CPA6: variants seen among roughly 807,000 people sequenced by gnomAD.
The protein encoded by CPA6 is carboxypeptidase B.
Under a neutral mutation model 63.3 loss-of-function variants are expected in CPA6, and 58 were observed. That is an observed-to-expected ratio of 0.92 (90% CI 0.74 to 1.14). CPA6 has a LOEUF of 1.14. Among genes scored for constraint, CPA6 ranks in the 50% most tolerant of loss-of-function variants. CPA6 has a pLI of 0.00. For missense variants in CPA6, 565 were observed against 526.6 expected (o/e 1.07, Z -0.71); for synonymous variants, 185 against 179.0 (o/e 1.03, Z -0.27).
intron 1 of CPA6, among the ~76,000 whole-genome samples, chr8:67,727,256 A>C (rs905373207): frequency 2.6e-5 from 4 of 152,194 alleles, no homozygotes; most frequent in African/African-American, 9.6e-5. Context: ...TAGCAAAACC[A>C]AAACTACTGA....
At chr8:67,637,709 T>C (rs920751251) in intron 1 of CPA6, among the ~76,000 whole-genome samples, 10 of 151,580 alleles carry the variant, frequency 6.6e-5, no homozygotes, top group African/African-American at 2.4e-4. Context: ...TAAGGTAACG[T>C]GGCAACTGTT....
intron 2 of CPA6, among the ~76,000 whole-genome samples, chr8:67,528,822 C>T (rs751431978): frequency 3.9e-5 from 6 of 151,908 alleles, no homozygotes; most frequent in Non-Finnish European, 7.4e-5. Context: ...CACTTTCTAG[C>T]TTTATTATTC....
intron 8 of CPA6, among the ~76,000 whole-genome samples, chr8:67,436,140 C>A (rs547543850): frequency 6.6e-6 from 1 of 152,142 alleles, no homozygotes; most frequent in African/African-American, 2.4e-5. Context: ...CCAGCTATTT[C>A]CCCAGTGTAG....
intron 2 of CPA6, among the ~76,000 whole-genome samples, chr8:67,621,114 C>T (rs1815071226): frequency 6.6e-6 from 1 of 152,192 alleles, no homozygotes; most frequent in African/African-American, 2.4e-5. Flanking sequence ...GACAACACTG[C>T]ATGTTTGTTG....
intron 2 of CPA6, among the ~76,000 whole-genome samples, chr8:67,539,279 A>G (rs996056186): frequency 1.3e-5 from 2 of 152,184 alleles, no homozygotes; most frequent in East Asian, 3.9e-4. Flanking sequence ...TGGATATGAA[A>G]TCCTGGGTTG....
intron 6 of CPA6, among the ~76,000 whole-genome samples, chr8:67,500,863 C>T (rs1811817876): frequency 6.6e-6 from 1 of 151,322 alleles, no homozygotes; most frequent in South Asian, 2.1e-4. Flanking sequence ...TGTCAAAAGT[C>T]AGTTGGGAAT....
At chr8:67,498,596 CTTT>C (rs929950196) in intron 6 of CPA6, among the ~76,000 whole-genome samples, 1 of 149,910 alleles carries the variant, frequency 6.7e-6, no homozygotes, top group African/African-American at 2.5e-5. Flanking sequence ...CTTAAAACTC[CTTT>C]TTAATTTTGT....
intron 2 of CPA6, among the ~76,000 whole-genome samples, chr8:67,621,174 G>A (rs967896089): frequency 2.0e-5 from 3 of 152,150 alleles, no homozygotes; most frequent in Non-Finnish European, 4.4e-5. Context: ...GACTCTATTG[G>A]GAGAGGCCTC....
intron 2 of CPA6, among the ~76,000 whole-genome samples, chr8:67,548,485 G>T (rs1812871954): frequency 6.6e-6 from 1 of 151,758 alleles, no homozygotes; most frequent in Non-Finnish European, 1.5e-5. Context: ...TTTTTCCTCA[G>T]GTGATCTGCT....
At chr8:67,437,381 C>A (rs1322836885) in intron 8 of CPA6, among the ~76,000 whole-genome samples, 1 of 151,910 alleles carries the variant, frequency 6.6e-6, no homozygotes, top group African/African-American at 2.4e-5. Context: ...GGCGACAGAG[C>A]GAGACTCTGT....
intron 2 of CPA6, among the ~76,000 whole-genome samples, chr8:67,524,825 C>T (rs1812329400): frequency 6.6e-6 from 1 of 152,074 alleles, no homozygotes; most frequent in Non-Finnish European, 1.5e-5. Context: ...GATTCTGAAT[C>T]CTATTTCCCC....
At chr8:67,716,201 G>A (rs1934680111) in intron 1 of CPA6, among the ~76,000 whole-genome samples, 1 of 148,366 alleles carries the variant, frequency 6.7e-6, no homozygotes, top group African/African-American at 2.6e-5. Flanking sequence ...TGTCAGAGGC[G>A]TTTGAGTCAA....
chr8:67,737,208 T>C (rs1817829300), intron 1 of CPA6, among the ~76,000 whole-genome samples: 1 of 152,148 alleles, frequency 6.6e-6, no homozygotes, highest in South Asian at 2.1e-4. Context: ...GCCTCCTGAC[T>C]CCCTCAGAGA....
chr8:67,478,227 G>T (rs952192940), intron 8 of CPA6, among the ~76,000 whole-genome samples: 4 of 152,214 alleles, frequency 2.6e-5, no homozygotes, highest in Admixed American at 2.6e-4. Context: ...TGGACACATG[G>T]AGGTTCATGG....
intron 1 of CPA6, among the ~76,000 whole-genome samples, chr8:67,713,033 T>C (rs1247965045): frequency 6.8e-6 from 1 of 147,642 alleles, no homozygotes. Flanking sequence ...AATCTCTTAC[T>C]TTCTAATGTA....
intron 2 of CPA6, among the ~76,000 whole-genome samples, chr8:67,606,124 T>C (rs1814630416): frequency 7.2e-6 from 1 of 139,434 alleles, no homozygotes; most frequent in African/African-American, 2.7e-5. Flanking sequence ...TAGGTGGGAA[T>C]TGAACAATGA....
At chr8:67,533,231 T>C (rs1447468987) in intron 2 of CPA6, among the ~76,000 whole-genome samples, 1 of 152,210 alleles carries the variant, frequency 6.6e-6, no homozygotes, top group Non-Finnish European at 1.5e-5. Flanking sequence ...ATCATCTGCC[T>C]GGGACAAGGA....
At chr8:67,479,720 T>C (rs1378926399) in intron 8 of CPA6, among the ~76,000 whole-genome samples, 1 of 152,180 alleles carries the variant, frequency 6.6e-6, no homozygotes, top group Non-Finnish European at 1.5e-5. Context: ...TATTGCTCTC[T>C]TTGCCCCAAA....
At chr8:67,541,391 C>T (rs764151683) in intron 2 of CPA6, among the ~76,000 whole-genome samples, 1 of 152,086 alleles carries the variant, frequency 6.6e-6, no homozygotes, top group Non-Finnish European at 1.5e-5. Context: ...AGCACTACAA[C>T]CTGGGCCTGG....
Sources: allele counts gnomAD v4.1 joint callset (sites outside exome capture counted in the v4.1 genomes callset), GRCh38; gene constraint gnomAD v4.1.1; transcripts MANE v1.5; gene names NCBI Gene and HGNC (gene_info 2026-07-23, HGNC 2026-07-21).